DGCR2: variants seen among roughly 807,000 people sequenced by gnomAD.
DGCR2 encodes the protein DiGeorge syndrome critical region gene 2.
A neutral mutation model predicts 51.6 loss-of-function variants in DGCR2; 24 were observed. The ratio of observed to expected loss-of-function variants is 0.47; its 90% CI spans 0.34 to 0.65. The LOEUF is 0.65. DGCR2 is among the 30% of genes least tolerant of loss of function. The pLI, the probability that DGCR2 is intolerant of heterozygous loss-of-function variation, is 0.01. For missense variants in DGCR2, 765 were observed against 772.1 expected (o/e 0.99, Z 0.11); for synonymous variants, 340 against 315.4 (o/e 1.08, Z -0.82).
intron 6 of DGCR2, 122 bp downstream of exon 6, chr22:19,056,864 T>C: frequency 1.8e-6 from 2 of 1,117,522 alleles, no homozygotes; most frequent in Non-Finnish European, 2.5e-6. Flanking sequence ...TGTGAGCTGG[T>C]AAGGGGCGTC....
intron 1 of DGCR2, among the ~76,000 whole-genome samples, chr22:19,108,951 A>T (rs2083287480): frequency 6.6e-6 from 1 of 152,188 alleles, no homozygotes; most frequent in Non-Finnish European, 1.5e-5. Flanking sequence ...GGATCACTTG[A>T]ACCCAGGAGG....
intron 7 of DGCR2, chr22:19,048,200 T>C (rs2082510975): frequency 8.7e-6 from 5 of 573,866 alleles, no homozygotes; most frequent in Non-Finnish European, 1.6e-5. Context: ...CAAGTTCATT[T>C]GTGAATGCTG....
chr22:19,041,008 C>A (rs202206617), intron 9 of DGCR2, 50 bp downstream of exon 9: 1 of 1,485,464 alleles, frequency 6.7e-7, no homozygotes, highest in East Asian at 2.3e-5. Flanking sequence ...CTCAGCCCCA[C>A]GTGCCAGGTT....
chr22:19,093,848 A>C (rs942283478), intron 1 of DGCR2, among the ~76,000 whole-genome samples: 14 of 152,038 alleles, frequency 9.2e-5, no homozygotes, highest in Non-Finnish European at 1.9e-4. Flanking sequence ...CAAAAAAAAA[A>C]CAAAAAAATT....
At chr22:19,084,746 C>G (rs1411781948) in intron 2 of DGCR2, among the ~76,000 whole-genome samples, 3 of 149,596 alleles carry the variant, frequency 2.0e-5, no homozygotes, top group Admixed American at 2.0e-4. Context: ...CCAGCCGCCC[C>G]GTCCGGGAGG....
intron 6 of DGCR2, among the ~76,000 whole-genome samples, chr22:19,054,896 AGTTCAAGACCAGC>A (rs1233185966): frequency 6.6e-6 from 1 of 152,190 alleles, no homozygotes; most frequent in Non-Finnish European, 1.5e-5. Flanking sequence ...TGAGGTCAGG[AGTTCAAGACCAGC>A]GTTCAAGACC....
intron 5 of DGCR2, among the ~76,000 whole-genome samples, chr22:19,062,117 C>G (rs2082669939): frequency 6.6e-6 from 1 of 152,222 alleles, no homozygotes; most frequent in Non-Finnish European, 1.5e-5. Flanking sequence ...CAAACTTTGA[C>G]TCTGGGGCCT....
intron 2 of DGCR2, among the ~76,000 whole-genome samples, chr22:19,070,066 T>C (rs942294932): frequency 4.6e-5 from 7 of 152,168 alleles, no homozygotes; most frequent in African/African-American, 1.7e-4. Context: ...GGCCTGATGC[T>C]GTAAACACGC....
intron 2 of DGCR2, among the ~76,000 whole-genome samples, chr22:19,080,084 A>G (rs1443792594): frequency 6.6e-6 from 1 of 152,212 alleles, no homozygotes; most frequent in African/African-American, 2.4e-5. Flanking sequence ...TGTCTCTAGA[A>G]AAGACTCCTC....
At position 19,122,393 on chromosome 22, in the gene DGCR2, A is replaced by C. The variant is rs1399259693; in HGVS notation, c.-187T>G. 1 of 423,106 alleles carries C rather than the reference A, an allele frequency of 2.4e-6. No homozygotes were observed. Among genetic ancestry groups the C allele is most frequent in the Non-Finnish European group, 4.1e-6 (1 of 241,412 alleles). 26.2% of individuals were successfully genotyped at this position (423,106 alleles called of 1,614,324 possible). A position where few individuals can be genotyped will look rare whatever the true frequency, so the allele number is the denominator to read the frequency against. The stretch of plus-strand genomic sequence containing the variant: ...CTCTCGGCTGCAACCTCAGGCACCG[A>C]CTCCAGCTGCGCGCAAGATGGCGGC... On this transcript the variant is annotated 5_prime_UTR_variant, in exon 1 of 10. Transcript: ENST00000263196.
chr22:19,074,090 A>G (rs2082846855), intron 2 of DGCR2, among the ~76,000 whole-genome samples: 1 of 152,224 alleles, frequency 6.6e-6, no homozygotes, highest in Admixed American at 6.5e-5. Context: ...ATGAATCTAC[A>G]GGATTCACAC....
rs752201859 is a variant in DGCR2 at position 19,041,200 on chromosome 22, G to A, written c.1254C>T (p.Asp418=). 54 of 1,614,086 alleles carry A rather than the reference G, an allele frequency of 3.3e-5. No homozygotes were observed. The highest frequency in any genetic ancestry group is 6.7e-5 in the East Asian group (3 of 44,856). ...TGLTPLHLSD[D]GEGGTFHFHD... The stretch of plus-strand genomic sequence containing the variant: ...GGAAATGGAAAGTCCCACCCTCTCC[G>A]TCGTCAGAAAGATGCAGCGGCGTGA... Residue 418 remains aspartate (D), a synonymous_variant, in exon 9 of 10, where the codon GAC becomes GAT. Transcript: ENST00000263196.
chr22:19,090,032 C>T (rs1460473771), intron 1 of DGCR2, among the ~76,000 whole-genome samples: 2 of 152,284 alleles, frequency 1.3e-5, no homozygotes, highest in Non-Finnish European at 1.5e-5. Flanking sequence ...TGGCCCTTTA[C>T]GAACCTATTA....
At chr22:19,088,095 C>T (rs2083038315) in intron 2 of DGCR2, among the ~76,000 whole-genome samples, 1 of 152,174 alleles carries the variant, frequency 6.6e-6, no homozygotes, top group African/African-American at 2.4e-5. Context: ...TAATCCCCTA[C>T]CTAATACCCT....
intron 3 of DGCR2, 51 bp from the exon 4 acceptor site, chr22:19,065,118 TG>T: frequency 2.0e-6 from 3 of 1,527,152 alleles, no homozygotes; most frequent in Non-Finnish European, 1.8e-6. Context: ...AGCTCCAAAA[TG>T]GAAATTATAT....
At chr22:19,093,993 G>C (rs989367879) in intron 1 of DGCR2, among the ~76,000 whole-genome samples, 6 of 150,882 alleles carry the variant, frequency 4.0e-5, no homozygotes, top group Admixed American at 6.7e-5. Flanking sequence ...GCAACAGCAA[G>C]ACCTCCCCAA....
intron 5 of DGCR2, among the ~76,000 whole-genome samples, chr22:19,062,975 G>C (rs1047759326): frequency 4.6e-5 from 7 of 152,176 alleles, no homozygotes; most frequent in Non-Finnish European, 1.0e-4. Flanking sequence ...GCTGGCCAAA[G>C]TGAGATGCAA....
intron 7 of DGCR2, among the ~76,000 whole-genome samples, chr22:19,045,876 G>A (rs2082483859): frequency 6.6e-6 from 1 of 152,142 alleles, no homozygotes; most frequent in Non-Finnish European, 1.5e-5. Context: ...ATAGGCATAA[G>A]CCACCATACC....
intron 6 of DGCR2, among the ~76,000 whole-genome samples, chr22:19,052,340 CAA>C (rs1347883825): frequency 6.6e-6 from 1 of 151,854 alleles, no homozygotes; most frequent in East Asian, 1.9e-4. Context: ...CGCTTGAACC[CAA>C]GAGGCGGAAG....
Sources: allele counts gnomAD v4.1 joint callset (sites outside exome capture counted in the v4.1 genomes callset), GRCh38; gene constraint gnomAD v4.1.1; transcripts MANE v1.5; gene names NCBI Gene and HGNC (gene_info 2026-07-23, HGNC 2026-07-21).